The following ROBO2 variants were observed in gnomAD, a reference collection of about 807,000 sequenced individuals.
The protein encoded by ROBO2 is roundabout homolog 2.
Under a neutral mutation model 160.8 loss-of-function variants are expected in ROBO2, and 53 were observed. The observed-to-expected ratio is 0.33, with a 90% confidence interval of 0.26 to 0.41. The LOEUF is 0.41. Among genes scored for constraint, ROBO2 ranks in the 10% least tolerant of loss-of-function variants. The pLI, the probability that ROBO2 is intolerant of heterozygous loss-of-function variation, is 1.00. For missense variants in ROBO2, 1,577 were observed against 1,722.4 expected (o/e 0.92, Z 1.49); for synonymous variants, 664 against 611.7 (o/e 1.09, Z -1.26).
intron 2 of ROBO2, among the ~76,000 whole-genome samples, chr3:76,961,247 G>GGAAA (rs761616869): frequency 0.054 from 2,949 of 54,428 alleles, 183 homozygotes; most frequent in African/African-American, 0.15. Context: ...GTGCCACAGA[G>GGAAA]AAAAAAAAAA....
chr3:77,530,625 G>T (rs2091624982), intron 6 of ROBO2, among the ~76,000 whole-genome samples: 1 of 151,974 alleles, frequency 6.6e-6, no homozygotes, highest in Non-Finnish European at 1.5e-5. Flanking sequence ...TTGCTCATCT[G>T]CAGTGTCACC....
chr3:76,734,989 G>A (rs1051047919), intron 2 of ROBO2, among the ~76,000 whole-genome samples: 1 of 152,226 alleles, frequency 6.6e-6, no homozygotes, highest in African/African-American at 2.4e-5. Flanking sequence ...TGGTAGGAAT[G>A]TAAATTAGTT....
chr3:76,053,948 T>C (rs753933304), intron 2 of ROBO2, among the ~76,000 whole-genome samples: 11 of 152,136 alleles, frequency 7.2e-5, no homozygotes, highest in Non-Finnish European at 1.5e-4. Context: ...GCATACTAAA[T>C]ATAAAGTCAA....
At chr3:75,923,793 C>A (rs553378254) in intron 1 of ROBO2, among the ~76,000 whole-genome samples, 1 of 152,288 alleles carries the variant, frequency 6.6e-6, no homozygotes, top group African/African-American at 2.4e-5. Context: ...ACAAACCAGG[C>A]TTTCAGGAAG....
intron 2 of ROBO2, among the ~76,000 whole-genome samples, chr3:76,624,536 C>T (rs986537024): frequency 2.0e-5 from 3 of 151,924 alleles, no homozygotes; most frequent in Non-Finnish European, 2.9e-5. Flanking sequence ...GGTGGGCTCA[C>T]ACCTGTAATC....
At chr3:76,221,219 A>G (rs947582811) in intron 2 of ROBO2, among the ~76,000 whole-genome samples, 1 of 152,210 alleles carries the variant, frequency 6.6e-6, no homozygotes, top group African/African-American at 2.4e-5. Flanking sequence ...TGAGCATGGG[A>G]AGCAAAAATT....
chr3:76,238,640 C>T (rs1705103738), intron 2 of ROBO2, among the ~76,000 whole-genome samples: 1 of 151,640 alleles, frequency 6.6e-6, no homozygotes. Context: ...TCCCCCTAGA[C>T]ATGAGGGGAT....
At chr3:77,210,006 G>A (rs181797916) in intron 2 of ROBO2, among the ~76,000 whole-genome samples, 1 of 152,168 alleles carries the variant, frequency 6.6e-6, no homozygotes, top group African/African-American at 2.4e-5. Context: ...TGTTTCTCTA[G>A]GCTGTTTCCA....
At chr3:76,815,004 TG>T (rs760025793) in intron 2 of ROBO2, among the ~76,000 whole-genome samples, 1 of 152,042 alleles carries the variant, frequency 6.6e-6, no homozygotes, top group Non-Finnish European at 1.5e-5. Flanking sequence ...CCTTCAGTTA[TG>T]ATGTTGAAAC....
intron 2 of ROBO2, among the ~76,000 whole-genome samples, chr3:76,206,829 A>G (rs112915185): frequency 0.023 from 3,489 of 152,284 alleles, 65 homozygotes; most frequent in Non-Finnish European, 0.034. Context: ...TGTGCAAAGC[A>G]TCTGTACCCA....
intron 2 of ROBO2, among the ~76,000 whole-genome samples, chr3:76,869,340 A>ATCTTTTTTTTTTTTTTTTTTTTTTTTTTT (rs1178461363): frequency 9.2e-6 from 1 of 108,140 alleles, no homozygotes; most frequent in African/African-American, 3.6e-5. Flanking sequence ...GTAGAAATTG[A>ATCTTTTTTTTTTTTTTTTTTTTTTTTTTT]TGTTTTTTTT....
At chr3:76,194,417 G>A (rs1702164734) in intron 2 of ROBO2, among the ~76,000 whole-genome samples, 1 of 136,258 alleles carries the variant, frequency 7.3e-6, no homozygotes, top group Non-Finnish European at 1.6e-5. Flanking sequence ...TTGTTCACTG[G>A]TAATCTTTAT....
Position 77,607,829 on chromosome 3 carries a change from A to G in ROBO2, c.3168A>G (p.Lys1056=), listed in dbSNP as rs369795294. 33 of 1,613,898 alleles carry G rather than the reference A, an allele frequency of 2.0e-5. No homozygotes were observed. In the African/African-American group the frequency reaches 4.3e-4, roughly 21 times the overall value. ...AAGGTGGAAAAAAGAAGAAAAATAAAAACTCTTCTAAACCACAGAAAAACA... is the reference window on the plus strand; with the variant it reads ...AAGGTGGAAAAAAGAAGAAAAATAAGAACTCTTCTAAACCACAGAAAAACA... The change falls in exon 21 of 26, where the codon AAA becomes AAG. Residue 1056 remains lysine (K), a synonymous_variant. Transcript: ENST00000461745.
At chr3:76,658,922 C>A (rs1325719542) in intron 2 of ROBO2, among the ~76,000 whole-genome samples, 2 of 151,986 alleles carry the variant, frequency 1.3e-5, no homozygotes, top group African/African-American at 2.4e-5. Context: ...TTTAAGTTAT[C>A]CTTTATTAGT....
intron 2 of ROBO2, among the ~76,000 whole-genome samples, chr3:76,146,872 A>ACACT (rs1267216503): frequency 6.7e-6 from 1 of 149,750 alleles, no homozygotes; most frequent in Non-Finnish European, 1.5e-5. Context: ...CACCACACAC[A>ACACT]CACTCACACA....
At position 76,654,913 on chromosome 3, in the gene ROBO2, G is replaced by GTGTGTATA. The variant is rs536883164; in HGVS notation, c.110-443100_110-443099insGTGTATAT. Among the ~76,000 whole-genome samples, 290 of 74,150 alleles carry GTGTGTATA rather than the reference G, an allele frequency of 3.9e-3. 1 individual carries two copies. Among genetic ancestry groups the GTGTGTATA allele is most frequent in the Middle Eastern group, 0.012 (2 of 164 alleles). The allele number at this position is 74,150 out of a possible 152,430, so 48.6% of individuals were successfully genotyped here. ...TATGCATGTGTGTACATATGTGTGT[G>GTGTGTATA]TATATATATATATATTTATATATAT... On this transcript the variant is annotated intron_variant, in intron 2 of 26. Transcript: ENST00000487694.
intron 2 of ROBO2, among the ~76,000 whole-genome samples, chr3:76,566,714 G>A (rs1478489955): frequency 6.6e-6 from 1 of 152,072 alleles, no homozygotes; most frequent in Non-Finnish European, 1.5e-5. Context: ...GCCATAGAGT[G>A]AGGGAAAGAA....
chr3:76,877,538 T>C (rs2072876906), intron 2 of ROBO2, among the ~76,000 whole-genome samples: 1 of 152,298 alleles, frequency 6.6e-6, no homozygotes, highest in South Asian at 2.1e-4. Context: ...TTTTTACTTC[T>C]AGTATGAAGT....
intron 2 of ROBO2, among the ~76,000 whole-genome samples, chr3:77,385,018 T>G (rs1195574042): frequency 2.6e-5 from 4 of 152,226 alleles, no homozygotes; most frequent in African/African-American, 9.6e-5. Context: ...GTTTTTTGTT[T>G]GTTTGTTTTG....
Sources: gnomAD v4.1 joint callset for allele counts (sites outside exome capture counted in the v4.1 genomes callset) on GRCh38, gnomAD v4.1.1 for gene constraint, MANE v1.5 for transcripts, NCBI Gene and HGNC (gene_info 2026-07-23, HGNC 2026-07-21) for gene names.